SORCS2: variants seen among roughly 807,000 people sequenced by gnomAD.
SORCS2 encodes VPS10 domain-containing receptor SorCS2.
In SORCS2, 100 loss-of-function variants were observed where a neutral mutation model predicts 141.6. The ratio of observed to expected loss-of-function variants is 0.71; its 90% CI spans 0.60 to 0.83. The LOEUF is 0.83. Ranked by LOEUF, SORCS2 falls within the 40% of genes least tolerant of loss-of-function variation. The pLI, the probability that SORCS2 is intolerant of heterozygous loss-of-function variation, is 0.00. For synonymous variants in SORCS2, 789 were observed against 676.9 expected, an observed-to-expected ratio of 1.17 and a Z score of -2.57; for missense variants, 1,646 against 1,560.2, an observed-to-expected ratio of 1.05 and a Z score of -0.93.
intron 3 of SORCS2, among the ~76,000 whole-genome samples, chr4:7,599,039 G>A (rs1320055189): frequency 1.3e-5 from 2 of 152,252 alleles, no homozygotes; most frequent in African/African-American, 2.4e-5. Context: ...GTGGGCCGAT[G>A]AGAGGTTGCT....
intron 22 of SORCS2, 89 bp downstream of exon 22, chr4:7,728,551 G>T (rs890962164): frequency 4.3e-6 from 4 of 929,240 alleles, no homozygotes; most frequent in Non-Finnish European, 6.4e-6. Flanking sequence ...TCAGGGAAAG[G>T]AGAGGCGGGT....
At chr4:7,700,630 G>A (rs1224312652) in intron 12 of SORCS2, among the ~76,000 whole-genome samples, 4 of 152,234 alleles carry the variant, frequency 2.6e-5, no homozygotes, top group Admixed American at 2.6e-4. Flanking sequence ...CATAGGCATT[G>A]TGCTTCTCCA....
intron 1 of SORCS2, among the ~76,000 whole-genome samples, chr4:7,395,207 A>G (rs1420665526): frequency 7.1e-6 from 1 of 141,148 alleles, no homozygotes; most frequent in Non-Finnish European, 1.5e-5. Flanking sequence ...CACCAGGGAA[A>G]GAAAGATACT....
chr4:7,575,746 C>T (rs892010609), intron 3 of SORCS2, among the ~76,000 whole-genome samples: 1 of 152,180 alleles, frequency 6.6e-6, no homozygotes, highest in African/African-American at 2.4e-5. Flanking sequence ...TTAGTGCTGA[C>T]CGGTGTGTTT....
intron 18 of SORCS2, among the ~76,000 whole-genome samples, chr4:7,722,992 C>T (rs1165742486): frequency 6.6e-6 from 1 of 151,942 alleles, no homozygotes; most frequent in African/African-American, 2.4e-5. Flanking sequence ...AGAATGTGAT[C>T]ATGAGCCATA....
intron 1 of SORCS2, among the ~76,000 whole-genome samples, chr4:7,206,747 G>A (rs148919677): frequency 6.6e-6 from 1 of 152,246 alleles, no homozygotes; most frequent in African/African-American, 2.4e-5. Context: ...AGGGTACTCC[G>A]TGGTGAGAAA....
intron 1 of SORCS2, among the ~76,000 whole-genome samples, chr4:7,331,838 G>A (rs1052831654): frequency 9.9e-5 from 15 of 152,146 alleles, no homozygotes; most frequent in East Asian, 7.7e-4. Context: ...GATGGCAGGC[G>A]CCCCAAGTGA....
rs1227748290 is a variant in SORCS2 at position 7,193,885 on chromosome 4, C to T, written c.480+759C>T. Among the ~76,000 whole-genome samples the T allele has an allele frequency of 6.6e-6, 1 of 152,200 alleles. No homozygotes were observed. Among genetic ancestry groups the T allele is most frequent in the Non-Finnish European group, 1.5e-5 (1 of 68,026 alleles). ...CACCTCTGTTGGGGACCTCCTGTTCCTCCACCCACAGCCTGGGGCTCCCAC... is the reference window on the plus strand; with the variant it reads ...CACCTCTGTTGGGGACCTCCTGTTCTTCCACCCACAGCCTGGGGCTCCCAC... On this transcript the variant is annotated intron_variant, in intron 1 of 26. Transcript: ENST00000507866. This position sits in a 1 kb window ranked among gnomAD's most constrained non-coding sequence, Gnocchi z 4.8.
chr4:7,292,423 T>C (rs1716675157), intron 1 of SORCS2, among the ~76,000 whole-genome samples: 1 of 152,248 alleles, frequency 6.6e-6, no homozygotes, highest in South Asian at 2.1e-4. Flanking sequence ...ATCCGGGCAC[T>C]GGATCTCAGG....
At chr4:7,487,723 C>G (rs4234816) in intron 2 of SORCS2, among the ~76,000 whole-genome samples, 70,332 of 151,984 alleles carry the variant, frequency 0.46, 16,673 homozygotes, top group East Asian at 0.7. Context: ...ACTTGGCTCC[C>G]CCGCCTCCAG....
rs200840601 is a variant in SORCS2 at position 7,434,760 on chromosome 4, A to G, written c.548+38405A>G. ...AGTACCCCACAGCCCCGCACCTGGC[A>G]GCTGTCTGCAGATCCTGACACCACA... is the stretch of plus-strand genomic sequence containing the variant. On this transcript the variant is annotated intron_variant, in intron 2 of 26. Transcript: ENST00000507866. 2.5e-5 allele frequency: 41 copies of G among 1,612,874 alleles called. No individual in the cohort carries two copies. The African/African-American group carries it at 3.5e-4, about 14-fold the overall frequency.
Position 7,434,111 on chromosome 4 carries a change from G to C in SORCS2, c.548+37756G>C, listed in dbSNP as rs376306805. On this transcript the variant is annotated intron_variant, in intron 2 of 26. Coordinates refer to ENST00000507866, the MANE Select transcript of SORCS2 (RefSeq NM_020777.3). ...TGAGTCAAACGGGCAGGTGCCCCTA[G>C]CTCCTCACAGAATCCCCCCTTCCTG... 91 of 1,612,576 alleles carry C rather than the reference G, an allele frequency of 5.6e-5. No individual in the cohort carries two copies. The highest frequency in any genetic ancestry group is 7.5e-5 in the Non-Finnish European group (88 of 1,179,008).
At chr4:7,627,353 C>G (rs1719579299) in intron 3 of SORCS2, among the ~76,000 whole-genome samples, 1 of 152,154 alleles carries the variant, frequency 6.6e-6, no homozygotes, top group South Asian at 2.1e-4. Context: ...CTGAGAATGC[C>G]AGGCCTTACA....
At chr4:7,246,125 A>T (rs1482955967) in intron 1 of SORCS2, among the ~76,000 whole-genome samples, 4 of 152,198 alleles carry the variant, frequency 2.6e-5, no homozygotes, top group Non-Finnish European at 5.9e-5. Flanking sequence ...CACACTATGC[A>T]ATTTCAGTCC....
chr4:7,463,533 C>T (rs1051191080), intron 2 of SORCS2, among the ~76,000 whole-genome samples: 6 of 152,342 alleles, frequency 3.9e-5, no homozygotes, highest in East Asian at 1.9e-4. Context: ...ACTCCAGGGC[C>T]TCCAGGAACA....
intron 12 of SORCS2, among the ~76,000 whole-genome samples, chr4:7,701,866 T>C (rs1196070005): frequency 1.3e-5 from 2 of 152,304 alleles, no homozygotes; most frequent in East Asian, 1.9e-4. Context: ...CCAGCTGCCC[T>C]TGAATGTCCC....
chr4:7,474,791 A>G (rs1360679983), intron 2 of SORCS2, among the ~76,000 whole-genome samples: 1 of 152,188 alleles, frequency 6.6e-6, no homozygotes, highest in African/African-American at 2.4e-5. Flanking sequence ...TTAAAGCAAC[A>G]GACATTTATC....
At chr4:7,612,492 C>G (rs1265222295) in intron 3 of SORCS2, among the ~76,000 whole-genome samples, 3 of 152,152 alleles carry the variant, frequency 2.0e-5, no homozygotes, top group Non-Finnish European at 4.4e-5. Flanking sequence ...TCACCGGTAA[C>G]ACTACATGGG....
At chr4:7,330,298 A>G (rs1719571432) in intron 1 of SORCS2, among the ~76,000 whole-genome samples, 1 of 152,146 alleles carries the variant, frequency 6.6e-6, no homozygotes, top group African/African-American at 2.4e-5. Flanking sequence ...CGACGTTCCC[A>G]GGTTTAGGGA....
Sources: allele counts gnomAD v4.1 joint callset (sites outside exome capture counted in the v4.1 genomes callset), GRCh38; gene constraint gnomAD v4.1.1; non-coding constraint Gnocchi (gnomAD v3.1); transcripts MANE v1.5; gene names NCBI Gene and HGNC (gene_info 2026-07-23, HGNC 2026-07-21).